The following SP140L variants were observed in gnomAD, a reference collection of about 807,000 sequenced individuals.
SP140L encodes SP140 like nuclear body protein.
In SP140L, 64 loss-of-function variants were observed where a neutral mutation model predicts 84.3. The ratio of observed to expected loss-of-function variants is 0.76; its 90% CI spans 0.62 to 0.94. SP140L has a LOEUF of 0.94. Among genes scored for constraint, SP140L ranks in the 40% least tolerant of loss-of-function variants. SP140L has a pLI of 0.00. For missense variants in SP140L, 628 were observed against 692.5 expected (o/e 0.91, Z 1.05); for synonymous variants, 242 against 236.9 (o/e 1.02, Z -0.20).
In SP140L at chr2:230,402,865, T is replaced by G. The variant is rs771106556; in HGVS notation, c.1712T>G (p.Phe571Cys). ...AEFEKDFKEV[F>C]AIQETNGNS Reference sequence around the variant, plus strand: ...TTTGAGAAGGATTTCAAGGAAGTGTTTGCTATTCAGGAAACAAATGGGAAC... The same window carrying G: ...TTTGAGAAGGATTTCAAGGAAGTGTGTGCTATTCAGGAAACAAATGGGAAC... The change falls in exon 19 of 19, where the codon TTT becomes TGT. Residue 571 changes from phenylalanine to cysteine, a missense_variant. Transcript: ENST00000415673. 6.8e-6 allele frequency: 11 copies of G among 1,613,284 alleles called. No homozygotes were observed. Among genetic ancestry groups the G allele is most frequent in the East Asian group, 2.2e-5 (1 of 44,828 alleles).
At chr2:230,360,227 G>A (rs1277901855) in intron 4 of SP140L, among the ~76,000 whole-genome samples, 1 of 152,208 alleles carries the variant, frequency 6.6e-6, no homozygotes, top group African/African-American at 2.4e-5. Context: ...TGCAAAACAG[G>A]ACAAACTGGA....
At position 230,371,587 on chromosome 2, in the gene SP140L, T is replaced by C; in HGVS notation, c.584-11T>C. 6.3e-7 allele frequency: 1 copy of C among 1,592,802 alleles called. No individual in the cohort carries two copies. Among genetic ancestry groups the C allele is most frequent in the South Asian group, 1.1e-5 (1 of 88,488 alleles). On this transcript the variant is annotated splice_polypyrimidine_tract_variant and intron_variant, in intron 6 of 18. Transcript: ENST00000415673. ...ATTTCTGTTTCCTCACTACCACTTG[T>C]TATTTTCTAGATACTGTGGATATTG...
chr2:230,327,327 A>G (rs1429791026), intron 1 of SP140L, 26 bp downstream of exon 1: 1 of 1,603,940 alleles, frequency 6.2e-7, no homozygotes, highest in Non-Finnish European at 8.5e-7. Flanking sequence ...TCTTCCTTTC[A>G]CCTTTATCTC....
chr2:230,338,340 G>T (rs2059937539), intron 2 of SP140L, among the ~76,000 whole-genome samples: 1 of 106,726 alleles, frequency 9.4e-6, no homozygotes, highest in Non-Finnish European at 1.9e-5. Flanking sequence ...TTTGTACATT[G>T]ATTTTGTATC....
chr2:230,371,528 G>T (rs2061070545), intron 6 of SP140L, 70 bp from the exon 7 acceptor site: 1 of 1,312,256 alleles, frequency 7.6e-7, no homozygotes, highest in Non-Finnish European at 1.1e-6. Flanking sequence ...TCTATAGTAT[G>T]AATTGTCCTA....
chr2:230,337,609 A>T (rs1331213329), intron 2 of SP140L, among the ~76,000 whole-genome samples: 1 of 152,158 alleles, frequency 6.6e-6, no homozygotes, highest in East Asian at 1.9e-4. Context: ...GTTTTCTTCT[A>T]GGGTTTTTAT....
At chr2:230,333,287 T>C (rs2059776926) in intron 2 of SP140L, among the ~76,000 whole-genome samples, 2 of 151,882 alleles carry the variant, frequency 1.3e-5, no homozygotes. Context: ...GCCTCCCGAG[T>C]AGCTGGGACT....
At chr2:230,401,099 C>T in intron 16 of SP140L, 36 bp downstream of exon 16, 1 of 916,550 alleles carries the variant, frequency 1.1e-6, no homozygotes, top group Non-Finnish European at 1.6e-6. Flanking sequence ...TTCTCCTTTC[C>T]CCTCACACGT....
chr2:230,401,324 C>G (rs1419617969), intron 16 of SP140L, 42 bp from the exon 17 acceptor site: 8 of 1,607,508 alleles, frequency 5.0e-6, no homozygotes, highest in African/African-American at 1.4e-5. Flanking sequence ...TGGGCTCATT[C>G]TCTCCAAGCT....
rs10933335 is a variant in SP140L, at chr2:230,384,171, G to T, written c.703+596G>T. Among the ~76,000 whole-genome samples the T allele has an allele frequency of 3.3e-5, 5 of 151,922 alleles. No individual in the cohort carries two copies. The South Asian group carries it at 8.3e-4, about 25-fold the overall frequency. The stretch of plus-strand genomic sequence containing the variant: ...TTTGTGGTATTTAAGTATATGTGTT[G>T]TATTAAAATTTTAAAAATCTTCAAC... On this transcript the variant is annotated intron_variant, in intron 8 of 18. Coordinates refer to ENST00000415673, the MANE Select transcript of SP140L (RefSeq NM_138402.6).
At chr2:230,355,473 C>T (rs112855535) in intron 2 of SP140L, among the ~76,000 whole-genome samples, 3,613 of 152,178 alleles carry the variant, frequency 0.024, 146 homozygotes, top group African/African-American at 0.082. Flanking sequence ...GTTGTCAGCT[C>T]CCCCAAATTT....
At chr2:230,386,952 C>T (rs2061607431) in intron 9 of SP140L, among the ~76,000 whole-genome samples, 1 of 152,144 alleles carries the variant, frequency 6.6e-6, no homozygotes, top group Admixed American at 6.6e-5. Context: ...TCTCACTGTA[C>T]GGTGAGTGCG....
chr2:230,346,427 C>G (rs551650687), intron 2 of SP140L, among the ~76,000 whole-genome samples: 2 of 152,304 alleles, frequency 1.3e-5, no homozygotes, highest in South Asian at 4.1e-4. Flanking sequence ...TTTCTCTCCC[C>G]AAATTTGGGA....
intron 7 of SP140L, 95 bp from the exon 8 acceptor site, chr2:230,383,415 A>G (rs951241286): frequency 3.1e-5 from 42 of 1,351,646 alleles, no homozygotes; most frequent in Middle Eastern, 2.4e-4. Context: ...CTGTGGACCA[A>G]AGTATGAAAA....
Position 230,359,098 on chromosome 2 carries a change from C to A in SP140L, c.405C>A (p.Pro135=), listed in dbSNP as rs759981551. The change falls in exon 4 of 19, where the codon CCC becomes CCA. Residue 135 remains proline, a synonymous_variant. Coordinates refer to ENST00000415673, the MANE Select transcript of SP140L (RefSeq NM_138402.6). ...GCGAGGTCAACATGCAGGAATACCC[C>A]GATTTAATTCACATTTATAAAAGCT... ...LFSEVNMQEY[P]DLIHIYKSFK... The A allele has an allele frequency of 6.3e-5, 101 of 1,606,146 alleles. No individual in the cohort carries two copies. Among genetic ancestry groups the A allele is most frequent in the Non-Finnish European group, 7.9e-5 (93 of 1,178,244 alleles).
At chr2:230,355,488 A>G (rs2060514116) in intron 2 of SP140L, among the ~76,000 whole-genome samples, 3 of 152,200 alleles carry the variant, frequency 2.0e-5, no homozygotes, top group South Asian at 2.1e-4. Context: ...AAATTTATCT[A>G]TAGTTTCAAA....
intron 7 of SP140L, among the ~76,000 whole-genome samples, chr2:230,383,159 A>T (rs974693978): frequency 6.6e-6 from 1 of 152,262 alleles, no homozygotes; most frequent in African/African-American, 2.4e-5. Context: ...CTCAAGGAGG[A>T]TGTCCTCTCA....
At position 230,403,019 on chromosome 2, in the gene SP140L, G is replaced by A; in HGVS notation, c.*123G>A. The stretch of plus-strand genomic sequence containing the variant: ...GCTTTTCTCTGAGCCTCCCTCATCT[G>A]CCCAAAAACAAATCCTCAAAAGAAA... On this transcript the variant is annotated 3_prime_UTR_variant, in exon 19 of 19. Transcript: ENST00000415673. 2.8e-6 allele frequency: 2 copies of A among 706,768 alleles called. No individual in the cohort carries two copies. The highest frequency in any genetic ancestry group is 2.0e-5 in the South Asian group (1 of 49,096). 43.8% of individuals were successfully genotyped at this position (706,768 alleles called of 1,614,324 possible). A position where few individuals can be genotyped will look rare whatever the true frequency, so the allele number is the denominator to read the frequency against.
intron 5 of SP140L, among the ~76,000 whole-genome samples, chr2:230,370,130 T>C (rs955249774): frequency 6.6e-6 from 1 of 152,168 alleles, no homozygotes; most frequent in South Asian, 2.1e-4. Context: ...GCTTTTTAAT[T>C]TTTTCTATTT....
Sources: gnomAD v4.1 joint callset for allele counts (sites outside exome capture counted in the v4.1 genomes callset) on GRCh38, gnomAD v4.1.1 for gene constraint, MANE v1.5 for transcripts, NCBI Gene and HGNC (gene_info 2026-07-23, HGNC 2026-07-21) for gene names.